The following PCDH9 variants were observed in gnomAD, a reference collection of about 807,000 sequenced individuals.
PCDH9 encodes protocadherin 9.
PCDH9 carries 24 observed loss-of-function variants against 70.6 expected under a neutral mutation model. That is an observed-to-expected ratio of 0.34 (90% confidence interval 0.25 to 0.48). PCDH9 has a LOEUF of 0.48. Ranked by LOEUF, PCDH9 falls within the 20% of genes least tolerant of loss-of-function variation. The pLI, the probability that PCDH9 is intolerant of heterozygous loss-of-function variation, is 0.99. For missense variants in PCDH9, 1,281 were observed against 1,503.6 expected, an observed-to-expected ratio of 0.85 and a Z score of 2.45; for synonymous variants, 562 against 558.5, an observed-to-expected ratio of 1.01 and a Z score of -0.09.
At chr13:66,368,893 C>T (rs1051874026) in intron 4 of PCDH9, among the ~76,000 whole-genome samples, 6 of 152,014 alleles carry the variant, frequency 3.9e-5, no homozygotes, top group Admixed American at 1.3e-4. Flanking sequence ...TCTCATGAGA[C>T]GTATTCACTA....
intron 3 of PCDH9, among the ~76,000 whole-genome samples, chr13:66,825,551 G>A (rs2080808254): frequency 2.0e-5 from 3 of 151,406 alleles, no homozygotes; most frequent in Admixed American, 1.3e-4. Flanking sequence ...TAGCCAGGAT[G>A]GTCTCGATCT....
chr13:66,579,305 A>C (rs2076858210), intron 4 of PCDH9, among the ~76,000 whole-genome samples: 1 of 152,136 alleles, frequency 6.6e-6, no homozygotes, highest in South Asian at 2.1e-4. Flanking sequence ...AATCTACTAC[A>C]TAAAATGACT....
At chr13:66,698,238 C>G (rs2139099613) in intron 3 of PCDH9, among the ~76,000 whole-genome samples, 1 of 152,206 alleles carries the variant, frequency 6.6e-6, no homozygotes, top group South Asian at 2.1e-4. Flanking sequence ...CTACTTAATG[C>G]CACCAAACTG....
At chr13:66,821,789 T>C (rs1054536993) in intron 3 of PCDH9, among the ~76,000 whole-genome samples, 2 of 152,174 alleles carry the variant, frequency 1.3e-5, no homozygotes, top group Admixed American at 1.3e-4. Context: ...CTTCATACCA[T>C]AACTGGAAAT....
chr13:67,159,868 G>A (rs531725697), intron 2 of PCDH9, among the ~76,000 whole-genome samples: 5 of 152,254 alleles, frequency 3.3e-5, no homozygotes, highest in Admixed American at 6.5e-5. Flanking sequence ...AGCCAAATAC[G>A]TAGTTTTATA....
chr13:66,335,749 T>C (rs1004665822), intron 4 of PCDH9, among the ~76,000 whole-genome samples: 10 of 152,114 alleles, frequency 6.6e-5, no homozygotes, highest in African/African-American at 2.4e-4. Flanking sequence ...CTACAGCTTT[T>C]CTTCTTGACA....
intron 4 of PCDH9, among the ~76,000 whole-genome samples, chr13:66,437,162 C>T (rs1957882410): frequency 6.6e-6 from 1 of 151,588 alleles, no homozygotes; most frequent in South Asian, 2.1e-4. Flanking sequence ...AATCTCAGCA[C>T]TTTGGGAGGC....
Position 66,672,260 on chromosome 13 carries a change from G to T in PCDH9, c.3139-40849C>A, listed in dbSNP as rs115051259. On this transcript the variant is annotated intron_variant, in intron 3 of 4. Transcript: ENST00000377865. Reference sequence around the variant, plus strand: ...CTTCCATTTGTAGTTTTCTTTCTACGTATTGTAAAATTGAAATAAGAACTT... The same window carrying T: ...CTTCCATTTGTAGTTTTCTTTCTACTTATTGTAAAATTGAAATAAGAACTT... Among the ~76,000 whole-genome samples the T allele has an allele frequency of 2.1e-3, 315 of 152,290 alleles. 1 individual carries two copies. The highest frequency in any genetic ancestry group is 7.4e-3 in the African/African-American group (309 of 41,566).
At chr13:66,496,641 T>C (rs541428998) in intron 4 of PCDH9, among the ~76,000 whole-genome samples, 2 of 152,334 alleles carry the variant, frequency 1.3e-5, no homozygotes, top group East Asian at 1.9e-4. Context: ...ATGGCCTTTA[T>C]ACAAGTCAGT....
intron 3 of PCDH9, among the ~76,000 whole-genome samples, chr13:66,712,223 A>G (rs2078804466): frequency 6.6e-6 from 1 of 152,164 alleles, no homozygotes; most frequent in Non-Finnish European, 1.5e-5. Flanking sequence ...GTTTTATTAC[A>G]GGTATCATGC....
rs2139601056 is a variant in PCDH9, at chr13:66,904,461, A to G, written c.3037-856T>C. On this transcript the variant is annotated intron_variant, in intron 2 of 4. Transcript: ENST00000377865. Reference sequence around the variant, plus strand: ...TGCTGTCTGGCCATTTATTAAACATAACTTTGTAGGTTTTAAGGTTTCTAC... The same window carrying G: ...TGCTGTCTGGCCATTTATTAAACATGACTTTGTAGGTTTTAAGGTTTCTAC... Among the ~76,000 whole-genome samples the G allele has an allele frequency of 2.6e-5, 4 of 152,092 alleles. No homozygotes were observed. In the South Asian group the frequency reaches 8.3e-4, roughly 32 times the overall value.
chr13:66,376,203 C>T (rs1046956105), intron 4 of PCDH9, among the ~76,000 whole-genome samples: 1 of 152,060 alleles, frequency 6.6e-6, no homozygotes, highest in Non-Finnish European at 1.5e-5. Flanking sequence ...GGTCACTAAA[C>T]TGTCACCTTT....
chr13:66,461,515 TA>T (rs200681049), intron 4 of PCDH9, among the ~76,000 whole-genome samples: 39 of 144,122 alleles, frequency 2.7e-4, no homozygotes, highest in African/African-American at 4.6e-4. Flanking sequence ...TCTAATCCAT[TA>T]AAAAAAAACT....
intron 4 of PCDH9, among the ~76,000 whole-genome samples, chr13:66,367,690 G>A (rs908565153): frequency 2.0e-5 from 3 of 152,062 alleles, no homozygotes; most frequent in Admixed American, 6.6e-5. Context: ...ATTTTTGAAG[G>A]GGTGACACTA....
At chr13:67,218,248 T>C (rs566749986) in intron 2 of PCDH9, 1 of 152,228 alleles carries the variant, frequency 6.6e-6, no homozygotes, top group South Asian at 2.1e-4. Context: ...CTGTCTGTGA[T>C]GGCATTCATC....
chr13:66,584,828 A>G lies in PCDH9; in HGVS notation c.3340+46382T>C, dbSNP rs562623915. On this transcript the variant is annotated intron_variant, in intron 4 of 4. Coordinates refer to ENST00000377865, the MANE Select transcript of PCDH9 (RefSeq NM_203487.3). ...AATGGGAGGCAGTTTTTTAAGTGCTAAGAAGCACCTATCTTAAGAATATGA... is the reference window on the plus strand; with the variant it reads ...AATGGGAGGCAGTTTTTTAAGTGCTGAGAAGCACCTATCTTAAGAATATGA... Among the ~76,000 whole-genome samples the G allele has an allele frequency of 4.6e-5, 7 of 152,244 alleles. No homozygotes were observed. The South Asian group carries it at 1.0e-3, about 23-fold the overall frequency.
At chr13:67,006,246 A>AC (rs74767011) in intron 2 of PCDH9, among the ~76,000 whole-genome samples, 3 of 151,840 alleles carry the variant, frequency 2.0e-5, no homozygotes, top group Non-Finnish European at 4.4e-5. Flanking sequence ...AAACAAACAA[A>AC]AAAATTGGAT....
At chr13:66,405,182 T>G (rs1057069927) in intron 4 of PCDH9, among the ~76,000 whole-genome samples, 1 of 152,136 alleles carries the variant, frequency 6.6e-6, no homozygotes, top group Non-Finnish European at 1.5e-5. Context: ...CTCCTCCATC[T>G]CCCCTCATCT....
chr13:67,202,944 T>C (rs2089252646), intron 2 of PCDH9: 1 of 152,064 alleles, frequency 6.6e-6, no homozygotes, highest in Admixed American at 6.6e-5. Context: ...TAACACGTGA[T>C]TGCCAAAGAG....
Sources: gnomAD v4.1 joint callset for allele counts (sites outside exome capture counted in the v4.1 genomes callset) on GRCh38, gnomAD v4.1.1 for gene constraint, MANE v1.5 for transcripts, NCBI Gene and HGNC (gene_info 2026-07-23, HGNC 2026-07-21) for gene names.